Variants in CSRNP3 observed in about 807,000 individuals in gnomAD.
CSRNP3 encodes cysteine/serine-rich nuclear protein 3.
A neutral mutation model predicts 48.0 loss-of-function variants in CSRNP3; 12 were observed. That is an observed-to-expected ratio of 0.25 (90% CI 0.16 to 0.41). The LOEUF is 0.41. Ranked by LOEUF, CSRNP3 falls within the 10% of genes least tolerant of loss-of-function variation. The pLI is 1.00. For missense variants in CSRNP3, 580 were observed against 724.4 expected, an observed-to-expected ratio of 0.80 and a Z score of 2.29; for synonymous variants, 263 against 269.7, an observed-to-expected ratio of 0.98 and a Z score of 0.24.
At chr2:165,478,106 T>C (rs947058625) in intron 1 of CSRNP3, among the ~76,000 whole-genome samples, 4 of 152,134 alleles carry the variant, frequency 2.6e-5, no homozygotes, top group African/African-American at 9.7e-5. Context: ...ACCTACTTCA[T>C]CATAGACCCC....
At chr2:165,648,111 A>AT (rs918645630) in intron 4 of CSRNP3, among the ~76,000 whole-genome samples, 3 of 152,108 alleles carry the variant, frequency 2.0e-5, no homozygotes, top group African/African-American at 4.8e-5. Flanking sequence ...TTAATATATA[A>AT]TTTTTTTAAG....
Position 165,503,557 on chromosome 2 carries a change from A to G in CSRNP3, c.-113+8629A>G, listed in dbSNP as rs539064104. Among the ~76,000 whole-genome samples, 3 of 152,116 alleles carry G rather than the reference A, an allele frequency of 2.0e-5. No homozygotes were observed. The South Asian group carries it at 6.2e-4, about 32-fold the overall frequency. ...TACCATACTCTTAAAGTTTAACATTATCTCACATGATTATTATTTAAATTT... is the reference window on the plus strand; with the variant it reads ...TACCATACTCTTAAAGTTTAACATTGTCTCACATGATTATTATTTAAATTT... On this transcript the variant is annotated intron_variant, in intron 2 of 6. Transcript: ENST00000651982.
intron 3 of CSRNP3, among the ~76,000 whole-genome samples, chr2:165,591,364 C>T (rs182912683): frequency 3.9e-5 from 6 of 152,242 alleles, no homozygotes; most frequent in Admixed American, 1.3e-4. Flanking sequence ...AATTTGAAGT[C>T]TGATGATGTG....
rs200806760 is a variant in CSRNP3 at position 165,679,199 on chromosome 2, G to A, written c.1204G>A (p.Glu402Lys). 74 of 1,613,912 alleles carry A rather than the reference G, an allele frequency of 4.6e-5. No homozygotes were observed. In the East Asian group the frequency reaches 1.5e-3, roughly 32 times the overall value. ...CGTGGAAGGTTTGGGCACCCATGCC[G>A]AAGTTGTCCCTCTTCCTTCAGTTCT... is the stretch of plus-strand genomic sequence containing the variant. ...GFVEGLGTHA[E>K]VVPLPSVLCY... Residue 402 changes from glutamate to lysine, a missense_variant, in exon 7 of 7, where the codon GAA (glutamate) becomes AAA (lysine). Physicochemically the swap from Glu to Lys is moderately conservative, Grantham distance 56 (BLOSUM62 1). Transcript: ENST00000651982.
chr2:165,551,602 G>A (rs555015323), intron 3 of CSRNP3, among the ~76,000 whole-genome samples: 5 of 152,224 alleles, frequency 3.3e-5, no homozygotes, highest in Non-Finnish European at 7.4e-5. Context: ...CTAGCTGTTC[G>A]CTGCTAAAAT....
At chr2:165,485,523 C>T (rs563300267) in intron 1 of CSRNP3, among the ~76,000 whole-genome samples, 73 of 152,294 alleles carry the variant, frequency 4.8e-4, no homozygotes, top group Admixed American at 1.4e-3. Flanking sequence ...ATAAAGGTTA[C>T]GTTAGGTCTA....
At chr2:165,672,094 C>G (rs1194406143) in intron 5 of CSRNP3, among the ~76,000 whole-genome samples, 1 of 152,142 alleles carries the variant, frequency 6.6e-6, no homozygotes, top group Non-Finnish European at 1.5e-5. Context: ...CCACATTTTC[C>G]TGTCTTCTGA....
At chr2:165,663,838 A>ATTAGATTTT (rs1687135278) in intron 5 of CSRNP3, among the ~76,000 whole-genome samples, 1 of 152,164 alleles carries the variant, frequency 6.6e-6, no homozygotes, top group South Asian at 2.1e-4. Context: ...AACATGACAA[A>ATTAGATTTT]TTAGATTTTT....
At chr2:165,566,696 C>G (rs2105271080) in intron 3 of CSRNP3, 2 of 151,906 alleles carry the variant, frequency 1.3e-5, no homozygotes, top group Admixed American at 1.3e-4. Context: ...ATTGCCCAGG[C>G]TGTATATTCT....
chr2:165,498,300 A>C (rs1684308861), intron 2 of CSRNP3, among the ~76,000 whole-genome samples: 1 of 152,146 alleles, frequency 6.6e-6, no homozygotes, highest in African/African-American at 2.4e-5. Flanking sequence ...GCAGCTAACA[A>C]ATCAAGGGTT....
At chr2:165,616,302 G>T (rs1050900091) in intron 4 of CSRNP3, among the ~76,000 whole-genome samples, 1 of 152,026 alleles carries the variant, frequency 6.6e-6, no homozygotes, top group Non-Finnish European at 1.5e-5. Context: ...TTTCTGTAAT[G>T]ATAACATTTA....
At chr2:165,525,723 TG>T (rs1684724967) in intron 3 of CSRNP3, among the ~76,000 whole-genome samples, 1 of 152,060 alleles carries the variant, frequency 6.6e-6, no homozygotes, top group Non-Finnish European at 1.5e-5. Flanking sequence ...TGACCTCAAG[TG>T]GCCCACCTGC....
At chr2:165,554,447 C>G (rs775367674) in intron 3 of CSRNP3, among the ~76,000 whole-genome samples, 26 of 152,136 alleles carry the variant, frequency 1.7e-4, no homozygotes, top group Non-Finnish European at 3.7e-4. Context: ...TAATAGACAT[C>G]TCAAAGTTAA....
At chr2:165,596,482 A>G (rs543922905) in intron 4 of CSRNP3, among the ~76,000 whole-genome samples, 3 of 152,332 alleles carry the variant, frequency 2.0e-5, no homozygotes, top group Non-Finnish European at 4.4e-5. Context: ...AAGGAACTCA[A>G]TAGCTGTTGA....
In CSRNP3 at chr2:165,541,257, G is replaced by A. The variant is rs535564998; in HGVS notation, c.-24+23296G>A. 3.3e-5 allele frequency among the ~76,000 whole-genome samples: 5 copies of A among 151,540 alleles called. No homozygotes were observed. The South Asian group carries it at 1.0e-3, about 32-fold the overall frequency. ...TTTAGACAGTGAGGAAGGACTTCCA[G>A]GTTCTTTTTTAATTGGATAATTCAC... On this transcript the variant is annotated intron_variant, in intron 3 of 6. Transcript: ENST00000651982.
chr2:165,666,833 C>A (rs1183539716), intron 5 of CSRNP3, among the ~76,000 whole-genome samples: 353 of 44,048 alleles, frequency 8.0e-3, no homozygotes, highest in Admixed American at 0.022. Flanking sequence ...AAAGGAAGGA[C>A]GGAAGGAAGG....
chr2:165,674,559 A>G (rs917338785), intron 5 of CSRNP3, among the ~76,000 whole-genome samples: 12 of 150,100 alleles, frequency 8.0e-5, no homozygotes, highest in Non-Finnish European at 1.0e-4. Flanking sequence ...ACAAAACCCA[A>G]TAAAGAGGAA....
chr2:165,538,341 C>A (rs753364526), intron 3 of CSRNP3, among the ~76,000 whole-genome samples: 1 of 151,896 alleles, frequency 6.6e-6, no homozygotes, highest in Non-Finnish European at 1.5e-5. Flanking sequence ...GTGGGACAGG[C>A]CATTTTGAGG....
At chr2:165,605,123 G>A (rs946328724) in intron 4 of CSRNP3, among the ~76,000 whole-genome samples, 4 of 152,058 alleles carry the variant, frequency 2.6e-5, no homozygotes, top group African/African-American at 9.7e-5. Context: ...TCTTCTCTAT[G>A]CTGGCATCTT....
Sources: gnomAD v4.1 joint callset for allele counts (sites outside exome capture counted in the v4.1 genomes callset) on GRCh38, gnomAD v4.1.1 for gene constraint, MANE v1.5 for transcripts, NCBI Gene and HGNC (gene_info 2026-07-23, HGNC 2026-07-21) for gene names.